The following KIAA1958 variants were observed in gnomAD, a reference collection of about 807,000 sequenced individuals.
KIAA1958 encodes uncharacterized protein KIAA1958.
Under a neutral mutation model 47.2 loss-of-function variants are expected in KIAA1958, and 14 were observed. That is an observed-to-expected ratio of 0.30 (90% confidence interval 0.20 to 0.46). KIAA1958 has a LOEUF of 0.46. Among genes scored for constraint, KIAA1958 ranks in the 20% least tolerant of loss-of-function variants. KIAA1958 has a pLI of 1.00. For missense variants in KIAA1958, 803 were observed against 909.2 expected, an observed-to-expected ratio of 0.88 and a Z score of 1.50; for synonymous variants, 354 against 353.3, an observed-to-expected ratio of 1.00 and a Z score of -0.02.
chr9:112,622,130 ATTAAC>A (rs1045334687), intron 2 of KIAA1958, among the ~76,000 whole-genome samples: 54 of 152,348 alleles, frequency 3.5e-4, no homozygotes, highest in Non-Finnish European at 6.2e-4. Flanking sequence ...TATTTGGAAT[ATTAAC>A]TTAAGAAAAA....
At chr9:112,547,489 A>C (rs959217632) in intron 1 of KIAA1958, among the ~76,000 whole-genome samples, 1 of 151,822 alleles carries the variant, frequency 6.6e-6, no homozygotes, top group Non-Finnish European at 1.5e-5. Flanking sequence ...TCGGGCCATG[A>C]TGCGGGGTTG....
At chr9:112,627,528 C>T (rs1588045852) in intron 2 of KIAA1958, among the ~76,000 whole-genome samples, 1 of 152,028 alleles carries the variant, frequency 6.6e-6, no homozygotes, top group Admixed American at 6.5e-5. Flanking sequence ...CTGAGGCGGG[C>T]GGATCACCTG....
chr9:112,552,583 T>C (rs1835169388), intron 1 of KIAA1958, among the ~76,000 whole-genome samples: 1 of 152,192 alleles, frequency 6.6e-6, no homozygotes, highest in South Asian at 2.1e-4. Flanking sequence ...GAAACAGTGA[T>C]GCTTAATGTT....
At chr9:112,638,407 C>CA (rs937684239) in intron 2 of KIAA1958, among the ~76,000 whole-genome samples, 1 of 151,842 alleles carries the variant, frequency 6.6e-6, no homozygotes, top group Non-Finnish European at 1.5e-5. Flanking sequence ...GAAGCTGAGG[C>CA]AGGAAGATCT....
At chr9:112,612,048 A>G (rs201064070) in intron 2 of KIAA1958, among the ~76,000 whole-genome samples, 1 of 3,584 alleles carries the variant, frequency 2.8e-4, no homozygotes, top group East Asian at 1.8e-3. Flanking sequence ...AATATATATT[A>G]AAAAATGTTT....
chr9:112,510,563 G>T (rs1479923654), intron 1 of KIAA1958, among the ~76,000 whole-genome samples: 1 of 152,120 alleles, frequency 6.6e-6, no homozygotes. Flanking sequence ...TTTCTTTTAC[G>T]GGTTTCTCAG....
chr9:112,560,656 G>A (rs1835311803), intron 1 of KIAA1958, among the ~76,000 whole-genome samples: 2 of 152,190 alleles, frequency 1.3e-5, no homozygotes, highest in African/African-American at 4.8e-5. Context: ...GACTTAAACT[G>A]GATCAGTTTC....
At chr9:112,635,467 G>T (rs1288658329) in intron 2 of KIAA1958, among the ~76,000 whole-genome samples, 6 of 152,072 alleles carry the variant, frequency 3.9e-5, no homozygotes, top group African/African-American at 1.2e-4. Flanking sequence ...ACCCACACTG[G>T]TCTCAAACTC....
chr9:112,619,519 T>C (rs537056701), intron 2 of KIAA1958, among the ~76,000 whole-genome samples: 1 of 152,188 alleles, frequency 6.6e-6, no homozygotes, highest in Non-Finnish European at 1.5e-5. Flanking sequence ...TTACAATGTA[T>C]GAGAATCTAG....
intron 1 of KIAA1958, among the ~76,000 whole-genome samples, chr9:112,520,165 CACTT>C (rs1176420522): frequency 1.3e-5 from 2 of 152,158 alleles, no homozygotes; most frequent in Non-Finnish European, 1.5e-5. Context: ...ATTTCCAAAA[CACTT>C]AAGATGGAAA....
chr9:112,501,633 A>G (rs1486251506), intron 1 of KIAA1958, among the ~76,000 whole-genome samples: 4 of 152,200 alleles, frequency 2.6e-5, no homozygotes, highest in African/African-American at 4.8e-5. Context: ...CTGGTAGCCA[A>G]GCATTTCGGG....
chr9:112,641,389 A>T (rs1369068913), intron 2 of KIAA1958, among the ~76,000 whole-genome samples: 1 of 78,298 alleles, frequency 1.3e-5, no homozygotes, highest in Non-Finnish European at 2.6e-5. Context: ...TCTTCTCGCT[A>T]TGTTGACAGC....
intron 1 of KIAA1958, among the ~76,000 whole-genome samples, chr9:112,495,152 A>G (rs538585814): frequency 3.8e-4 from 57 of 151,872 alleles, no homozygotes; most frequent in Admixed American, 2.4e-3. Context: ...TGGGCTTGTG[A>G]TCCTCCTGCC....
At chr9:112,656,809 A>G (rs115722988) in intron 3 of KIAA1958, among the ~76,000 whole-genome samples, 184 of 152,284 alleles carry the variant, frequency 1.2e-3, no homozygotes, top group African/African-American at 4.3e-3. Context: ...TTTAGTAATT[A>G]TATTTTGCTA....
intron 1 of KIAA1958, among the ~76,000 whole-genome samples, chr9:112,510,697 C>A (rs1218917877): frequency 6.6e-6 from 1 of 152,100 alleles, no homozygotes; most frequent in Non-Finnish European, 1.5e-5. Context: ...AAAATGGACA[C>A]ATAAACAACA....
At chr9:112,658,948 A>G (rs796278355) in intron 3 of KIAA1958, among the ~76,000 whole-genome samples, 2 of 134,782 alleles carry the variant, frequency 1.5e-5, no homozygotes, top group African/African-American at 5.5e-5. Flanking sequence ...TGAACCCGGG[A>G]GGCGGAGCTT....
At chr9:112,562,897 C>T (rs1244052589) in intron 1 of KIAA1958, among the ~76,000 whole-genome samples, 1 of 151,162 alleles carries the variant, frequency 6.6e-6, no homozygotes, top group Non-Finnish European at 1.5e-5. Context: ...AACTCCTGGG[C>T]TCAGGCGGTC....
chr9:112,510,934 AGGTGG>A (rs957368221), intron 1 of KIAA1958, among the ~76,000 whole-genome samples: 3 of 152,048 alleles, frequency 2.0e-5, no homozygotes, highest in Non-Finnish European at 4.4e-5. Flanking sequence ...AAAATCCCTG[AGGTGG>A]GGACAATGTT....
At chr9:112,498,162 C>A (rs1202386145) in intron 1 of KIAA1958, among the ~76,000 whole-genome samples, 1 of 152,106 alleles carries the variant, frequency 6.6e-6, no homozygotes, top group East Asian at 1.9e-4. Flanking sequence ...TATCTGACAT[C>A]TTCTGAAAAC....
Sources: allele counts gnomAD v4.1 joint callset (sites outside exome capture counted in the v4.1 genomes callset), GRCh38; gene constraint gnomAD v4.1.1; transcripts MANE v1.5; gene names NCBI Gene and HGNC (gene_info 2026-07-23, HGNC 2026-07-21).